Variants in KDM4B observed in about 807,000 individuals in gnomAD.
KDM4B encodes the protein lysine demethylase 4B, also known as lysine-specific demethylase 4B.
Under a neutral mutation model 125.2 loss-of-function variants are expected in KDM4B, and 32 were observed. The ratio of observed to expected loss-of-function variants is 0.26; its 90% CI spans 0.19 to 0.34. The LOEUF is 0.34. KDM4B is among the 10% of genes least tolerant of loss of function. KDM4B has a pLI of 1.00. For synonymous variants in KDM4B, 721 were observed against 677.9 expected, an observed-to-expected ratio of 1.06 and a Z score of -0.99; for missense variants, 1,190 against 1,577.7, an observed-to-expected ratio of 0.75 and a Z score of 4.16.
intron 9 of KDM4B, among the ~76,000 whole-genome samples, chr19:5,089,746 T>C (rs1599596508): frequency 1.3e-5 from 2 of 149,956 alleles, no homozygotes; most frequent in Non-Finnish European, 3.0e-5. Flanking sequence ...GTCAGAGGGG[T>C]GTAGCTCTGG....
At chr19:5,008,440 C>T (rs905086025) in intron 1 of KDM4B, among the ~76,000 whole-genome samples, 1 of 152,064 alleles carries the variant, frequency 6.6e-6, no homozygotes, top group Admixed American at 6.6e-5. Context: ...TATTTTTTGT[C>T]TAGTCTTGAG....
In KDM4B at chr19:5,066,300, G is replaced by A. The variant is rs1026216210; in HGVS notation, c.627-4710G>A. ...GAGAAGCTGGGAAGGTAGAGGGTCC[G>A]GGGGCTGCCCACCTGCCCGTGCCCA... On this transcript the variant is annotated intron_variant, in intron 6 of 22. Transcript: ENST00000159111. Among the ~76,000 whole-genome samples the A allele has an allele frequency of 1.3e-4, 20 of 152,310 alleles. No homozygotes were observed. In the East Asian group the frequency reaches 3.1e-3, roughly 24 times the overall value.
intron 1 of KDM4B, among the ~76,000 whole-genome samples, chr19:4,983,855 A>G (rs897171310): frequency 6.6e-6 from 1 of 152,258 alleles, no homozygotes; most frequent in Non-Finnish European, 1.5e-5. Context: ...CCTGCTACCC[A>G]TGCACGTAGC....
At chr19:4,976,184 G>A (rs2145296080) in intron 1 of KDM4B, among the ~76,000 whole-genome samples, 1 of 150,196 alleles carries the variant, frequency 6.7e-6, no homozygotes, top group African/African-American at 2.5e-5. Context: ...TGGAGGCAGG[G>A]GTTGCAGTGA....
intron 9 of KDM4B, among the ~76,000 whole-genome samples, chr19:5,095,840 CTTATGTGCGAGCAT>C (rs2038810280): frequency 6.6e-6 from 1 of 152,222 alleles, no homozygotes; most frequent in African/African-American, 2.4e-5. Flanking sequence ...GTGTGCAGCA[CTTATGTGCGAGCAT>C]GTCGTTTGTG....
chr19:4,971,891 C>T lies in KDM4B; in HGVS notation c.-109+2661C>T, dbSNP rs1002677325. ...ACAAAGCAGATCGGGGGCACTAAATCTTTCGGAGCCCACTGGGCAGGAGGG... is the reference window on the plus strand; with the variant it reads ...ACAAAGCAGATCGGGGGCACTAAATTTTTCGGAGCCCACTGGGCAGGAGGG... On this transcript the variant is annotated intron_variant, in intron 1 of 22. Transcript: ENST00000159111. This position sits in a 1 kb window ranked among gnomAD's most constrained non-coding sequence, Gnocchi z 4.1. 7.0e-6 allele frequency among the ~76,000 whole-genome samples: 1 copy of T among 142,282 alleles called. No individual in the cohort carries two copies. Among genetic ancestry groups the T allele is most frequent in the African/African-American group, 2.6e-5 (1 of 38,414 alleles). The allele number at this position is 142,282 out of a possible 152,430, so 93.3% of individuals were successfully genotyped here. A position where few individuals can be genotyped will look rare whatever the true frequency, so the allele number is the denominator to read the frequency against.
At chr19:5,014,736 TA>T (rs1384496424) in intron 1 of KDM4B, among the ~76,000 whole-genome samples, 1 of 151,794 alleles carries the variant, frequency 6.6e-6, no homozygotes, top group African/African-American at 2.4e-5. Flanking sequence ...TGGTGAATTG[TA>T]AAAAGTGTAC....
intron 5 of KDM4B, 122 bp from the exon 6 acceptor site, chr19:5,047,354 A>C: frequency 1.2e-6 from 1 of 842,106 alleles, no homozygotes; most frequent in Non-Finnish European, 1.8e-6. Context: ...GGCCGCAGAT[A>C]CTGGGGTGGA....
intron 9 of KDM4B, among the ~76,000 whole-genome samples, chr19:5,084,037 A>G (rs1251495217): frequency 3.9e-5 from 6 of 152,100 alleles, no homozygotes; most frequent in African/African-American, 1.4e-4. Context: ...ATTTGAGGTC[A>G]GGAGTTTGAG....
At chr19:5,096,630 G>A (rs2038829923) in intron 9 of KDM4B, among the ~76,000 whole-genome samples, 1 of 150,234 alleles carries the variant, frequency 6.7e-6, no homozygotes, top group Admixed American at 6.6e-5. Context: ...CGGTGTCGGT[G>A]GTGCGTGTTG....
chr19:5,106,559 G>A (rs765362810), intron 9 of KDM4B, among the ~76,000 whole-genome samples: 11 of 152,178 alleles, frequency 7.2e-5, no homozygotes, highest in Non-Finnish European at 1.3e-4. Flanking sequence ...GCAGCCACCC[G>A]GCAGCCACCC....
intron 1 of KDM4B, among the ~76,000 whole-genome samples, chr19:4,988,903 C>T (rs197144): frequency 0.29 from 44,590 of 152,114 alleles, 7,257 homozygotes; most frequent in East Asian, 0.69. Context: ...CCTCCCCTCC[C>T]GTCCAGCCTG....
chr19:5,033,379 G>A (rs1213954297), intron 3 of KDM4B, among the ~76,000 whole-genome samples: 1 of 152,226 alleles, frequency 6.6e-6, no homozygotes, highest in Non-Finnish European at 1.5e-5. Flanking sequence ...CGCCTTCCAG[G>A]GGTGTTCAGT....
At chr19:5,103,284 C>T (rs1382010047) in intron 9 of KDM4B, among the ~76,000 whole-genome samples, 5 of 152,234 alleles carry the variant, frequency 3.3e-5, no homozygotes, top group Non-Finnish European at 7.3e-5. Context: ...CTGGGCTCTG[C>T]GGCTGCTGGC....
intron 16 of KDM4B, 23 bp downstream of exon 16, chr19:5,137,361 G>A (rs1218967595): frequency 6.5e-7 from 1 of 1,549,260 alleles, no homozygotes; most frequent in African/African-American, 1.4e-5. Context: ...CCGCAGCGGG[G>A]GTGGTGCTCT....
intron 1 of KDM4B, among the ~76,000 whole-genome samples, chr19:5,002,449 C>G (rs565018497): frequency 4.0e-5 from 6 of 151,246 alleles, no homozygotes; most frequent in Non-Finnish European, 8.8e-5. Context: ...TCTCCCCTTT[C>G]TCTCTCCTTT....
At chr19:5,134,946 C>A (rs764744257) in intron 14 of KDM4B, among the ~76,000 whole-genome samples, 2 of 152,236 alleles carry the variant, frequency 1.3e-5, no homozygotes, top group Admixed American at 6.5e-5. Flanking sequence ...GCCACAGGGC[C>A]TGGAATGCCA....
chr19:5,146,078 G>A (rs1312441051), intron 21 of KDM4B, among the ~76,000 whole-genome samples: 13 of 142,526 alleles, frequency 9.1e-5, no homozygotes, highest in South Asian at 2.3e-4. Flanking sequence ...ACCACTCTCG[G>A]ACCTGTCACT....
Position 5,131,549 on chromosome 19 carries a change from G to C in KDM4B, c.1785+4G>C. ...AGCCCGGGCCGGAGAGGGGCAGGTG[G>C]GGTGGAGCGGGGGAGGCAGGGAGGA... On this transcript the variant is annotated splice_donor_region_variant and intron_variant, in intron 12 of 22. Transcript: ENST00000159111. 1.3e-6 allele frequency: 2 copies of C among 1,482,054 alleles called. No individual in the cohort carries two copies. Among genetic ancestry groups the C allele is most frequent in the Non-Finnish European group, 1.8e-6 (2 of 1,096,836 alleles). The allele number at this position is 1,482,054 out of a possible 1,614,324, so 91.8% of individuals were successfully genotyped here. A position where few individuals can be genotyped will look rare whatever the true frequency, so the allele number is the denominator to read the frequency against.
Sources: allele counts gnomAD v4.1 joint callset (sites outside exome capture counted in the v4.1 genomes callset), GRCh38; gene constraint gnomAD v4.1.1; non-coding constraint Gnocchi (gnomAD v3.1); transcripts MANE v1.5; gene names NCBI Gene and HGNC (gene_info 2026-07-23, HGNC 2026-07-21).